The following LMLN variants were observed in gnomAD, a reference collection of about 807,000 sequenced individuals.
LMLN encodes leishmanolysin like peptidase, also known as leishmanolysin-like peptidase.
In LMLN, 70 loss-of-function variants were observed where a neutral mutation model predicts 92.3. That is an observed-to-expected ratio of 0.76 (90% confidence interval 0.63 to 0.92). The LOEUF (loss-of-function observed/expected upper bound fraction) is 0.92, where lower values mean the gene tolerates loss of function less well. LMLN is among the 40% of genes least tolerant of loss of function. The pLI is 0.00. For missense variants in LMLN, 691 were observed against 814.6 expected (o/e 0.85, Z 1.85); for synonymous variants, 308 against 296.2 (o/e 1.04, Z -0.41).
At chr3:197,963,477 C>T (rs572953996) in intron 1 of LMLN, among the ~76,000 whole-genome samples, 12 of 152,174 alleles carry the variant, frequency 7.9e-5, no homozygotes, top group Non-Finnish European at 1.6e-4. Context: ...AGGCATGAGC[C>T]GCCGTGCCCA....
chr3:198,011,013 G>C (rs1457985026), intron 11 of LMLN, among the ~76,000 whole-genome samples: 1 of 151,990 alleles, frequency 6.6e-6, no homozygotes, highest in Non-Finnish European at 1.5e-5. Context: ...GTTATTTTTT[G>C]TTGTTGAATT....
At chr3:197,995,545 G>A (rs990061429) in intron 9 of LMLN, among the ~76,000 whole-genome samples, 47 of 152,104 alleles carry the variant, frequency 3.1e-4, no homozygotes, top group Admixed American at 2.8e-3. Context: ...ATTGAACCCC[G>A]AAGCAGAGGG....
At position 197,974,476 on chromosome 3, in the gene LMLN, TA is replaced by T; in HGVS notation, c.317+4del. The T allele has an allele frequency of 7.1e-7, 1 of 1,402,576 alleles. No individual in the cohort carries two copies. 86.9% of individuals were successfully genotyped at this position (1,402,576 alleles called of 1,614,324 possible). The stretch of plus-strand genomic sequence containing the variant: ...TGTCTATGATAAAAGTGTTGAAGAG[TA>T]AGTACACCATTGTATTGTCATCTTT... On this transcript the variant is annotated splice_donor_region_variant and intron_variant, in intron 2 of 15. Coordinates refer to ENST00000330198, the Ensembl canonical transcript of LMLN.
intron 8 of LMLN, 99 bp from the exon 9 acceptor site, chr3:197,990,460 A>G: frequency 1.8e-6 from 1 of 547,688 alleles, no homozygotes; most frequent in Non-Finnish European, 3.3e-6. Flanking sequence ...TTAATTTCAT[A>G]TTGATATTTA....
chr3:198,023,553 A>G (rs1234635681), intron 13 of LMLN, among the ~76,000 whole-genome samples: 5 of 152,354 alleles, frequency 3.3e-5, no homozygotes, highest in African/African-American at 1.2e-4. Flanking sequence ...AAAGAAGTAA[A>G]GAATTCTGTT....
At chr3:198,014,820 C>T (rs1298067237) in intron 11 of LMLN, among the ~76,000 whole-genome samples, 1 of 132,062 alleles carries the variant, frequency 7.6e-6, no homozygotes, top group Non-Finnish European at 1.6e-5. Context: ...GCTAACTAGT[C>T]TGACTTCTCT....
intron 11 of LMLN, among the ~76,000 whole-genome samples, chr3:198,015,333 C>G (rs1722600783): frequency 4.0e-5 from 1 of 24,756 alleles, no homozygotes; most frequent in Non-Finnish European, 8.3e-5. Context: ...AGCCCCCTAA[C>G]TAGTCTGACT....
chr3:197,966,198 A>T (rs1201350140), intron 1 of LMLN, among the ~76,000 whole-genome samples: 1 of 152,086 alleles, frequency 6.6e-6, no homozygotes, highest in Non-Finnish European at 1.5e-5. Context: ...ACCTGCCATC[A>T]TGCCCGGCTA....
chr3:198,024,544 A>G (rs890830876), intron 13 of LMLN, 114 bp from the exon 15 acceptor site: 3 of 1,010,296 alleles, frequency 3.0e-6, no homozygotes, highest in African/African-American at 3.4e-5. Flanking sequence ...TAAAATTTCC[A>G]TGAAACATGT....
Position 198,003,009 on chromosome 3 carries a change from C to T in LMLN, c.1232+3667C>T, listed in dbSNP as rs1287239523. The T allele has an allele frequency of 1.3e-6, 2 of 1,519,068 alleles. No homozygotes were observed. Among genetic ancestry groups the T allele is most frequent in the African/African-American group, 1.4e-5 (1 of 72,172 alleles). 94.1% of individuals were successfully genotyped at this position (1,519,068 alleles called of 1,614,324 possible). A position where few individuals can be genotyped will look rare whatever the true frequency, so the allele number is the denominator to read the frequency against. On this transcript the variant is annotated intron_variant, in intron 11 of 15. Coordinates refer to ENST00000330198, the Ensembl canonical transcript of LMLN. ...TAAAAATTGCTTTGTTTGAATTATT[C>T]CACAGCTGGTATAAAGCAAATTACA...
chr3:197,967,998 T>G (rs76012430), intron 1 of LMLN, among the ~76,000 whole-genome samples: 1 of 152,330 alleles, frequency 6.6e-6, no homozygotes, highest in East Asian at 1.9e-4. Context: ...TTCCCTAAAA[T>G]TGCTGTTATT....
At chr3:197,976,180 A>G (rs958959350) in intron 4 of LMLN, 69 bp downstream of exon 4, 10 of 897,280 alleles carry the variant, frequency 1.1e-5, no homozygotes, top group African/African-American at 8.5e-5. Flanking sequence ...TTCTATGAAC[A>G]TGGCAAGGTA....
chr3:197,965,113 C>G (rs1363071473), intron 1 of LMLN, among the ~76,000 whole-genome samples: 1 of 152,074 alleles, frequency 6.6e-6, no homozygotes, highest in Admixed American at 6.5e-5. Flanking sequence ...CTCCTGTGTT[C>G]AAGCAGTCTC....
At chr3:197,997,709 C>T (rs1411283215) in intron 10 of LMLN, among the ~76,000 whole-genome samples, 2 of 152,166 alleles carry the variant, frequency 1.3e-5, no homozygotes, top group East Asian at 1.9e-4. Context: ...AATGAACCAA[C>T]GTGATTCCTT....
Position 197,998,418 on chromosome 3 carries a change from G to GT in LMLN, c.1156-839dup, listed in dbSNP as rs570287089. On this transcript the variant is annotated intron_variant, in intron 10 of 15. Coordinates refer to ENST00000330198, the Ensembl canonical transcript of LMLN. Reference sequence around the variant, plus strand: ...ATTTATTCCTCCCATGGGAAGTGTGGTTTTTTTTTCCTTAAGAAATTTTCT... The same window carrying GT: ...ATTTATTCCTCCCATGGGAAGTGTGGTTTTTTTTTTCCTTAAGAAATTTTCT... Among the ~76,000 whole-genome samples, 230 of 151,254 alleles carry GT rather than the reference G, an allele frequency of 1.5e-3. 1 individual carries two copies. Among genetic ancestry groups the GT allele is most frequent in the South Asian group, 0.014 (67 of 4,766 alleles).
At chr3:197,963,499 C>T (rs1434922686) in intron 1 of LMLN, among the ~76,000 whole-genome samples, 1 of 152,170 alleles carries the variant, frequency 6.6e-6, no homozygotes, top group East Asian at 1.9e-4. Flanking sequence ...CCAGATCTTG[C>T]ATGTTTTTTG....
In LMLN at chr3:198,027,550, C is replaced by T. The variant is rs183829527; in HGVS notation, c.1656+2762C>T. Among the ~76,000 whole-genome samples, 9 of 152,252 alleles carry T rather than the reference C, an allele frequency of 5.9e-5. No homozygotes were observed. In the East Asian group the frequency reaches 1.7e-3, roughly 29 times the overall value. ...CCCAGCCCTGACAGCCTCTATTCTA[C>T]GTCCTCTCTCTGTGGATTTGCCTAA... On this transcript the variant is annotated intron_variant, in intron 14 of 15. Transcript: ENST00000330198.
intron 11 of LMLN, among the ~76,000 whole-genome samples, chr3:198,001,750 G>A (rs1297350765): frequency 6.6e-6 from 1 of 152,112 alleles, no homozygotes; most frequent in African/African-American, 2.4e-5. Context: ...GTTTGATTTT[G>A]TAGCAAGGTG....
At position 198,025,101 on chromosome 3, in the gene LMLN, A is replaced by G. The variant is rs1203214215; in HGVS notation, c.1656+313A>G. Among the ~76,000 whole-genome samples the G allele has an allele frequency of 2.0e-5, 3 of 152,158 alleles. No individual in the cohort carries two copies. Among genetic ancestry groups the G allele is most frequent in the Admixed American group, 6.5e-5 (1 of 15,272 alleles). On this transcript the variant is annotated intron_variant, in intron 14 of 15. Transcript: ENST00000330198. The surrounding 1 kb of genome is among the most constrained non-coding windows in gnomAD (Gnocchi z 4.3). ...TTACTTTGTAATGGAAAACATGTCA[A>G]TTTTATTTCAAAAGGTCTGAGGACC...
Sources: allele counts gnomAD v4.1 joint callset (sites outside exome capture counted in the v4.1 genomes callset), GRCh38; gene constraint gnomAD v4.1.1; non-coding constraint Gnocchi (gnomAD v3.1); transcripts MANE v1.5; gene names NCBI Gene and HGNC (gene_info 2026-07-23, HGNC 2026-07-21).